The following LDLRAD4 variants were observed in gnomAD, a reference collection of about 807,000 sequenced individuals.
LDLRAD4 encodes the protein low-density lipoprotein receptor class A domain-containing protein 4.
A neutral mutation model predicts 17.0 loss-of-function variants in LDLRAD4; 5 were observed. The ratio of observed to expected loss-of-function variants is 0.29; its 90% confidence interval spans 0.15 to 0.62. The LOEUF is 0.62. Among genes scored for constraint, LDLRAD4 ranks in the 20% least tolerant of loss-of-function variants. The probability of loss-of-function intolerance (pLI) is 0.84; values close to 1 mark genes in which losing one functional copy is unlikely to be tolerated. For synonymous variants in LDLRAD4, 168 were observed against 171.8 expected, an observed-to-expected ratio of 0.98 and a Z score of 0.17; for missense variants, 340 against 424.7, an observed-to-expected ratio of 0.80 and a Z score of 1.75.
chr18:13,408,425 G>A (rs1000567115), intron 2 of LDLRAD4, among the ~76,000 whole-genome samples: 11 of 151,008 alleles, frequency 7.3e-5, no homozygotes, highest in Admixed American at 3.3e-4. Context: ...GGTGTGAGCC[G>A]TAGAAAACCA....
intron 2 of LDLRAD4, among the ~76,000 whole-genome samples, chr18:13,403,620 C>T (rs1361727656): frequency 1.3e-5 from 2 of 152,174 alleles, no homozygotes; most frequent in Non-Finnish European, 1.5e-5. Flanking sequence ...CTGAGACCCC[C>T]TTCTGATGGT....
At chr18:13,325,720 C>T (rs1194004322) in intron 1 of LDLRAD4, among the ~76,000 whole-genome samples, 1 of 152,172 alleles carries the variant, frequency 6.6e-6, no homozygotes, top group Admixed American at 6.5e-5. Flanking sequence ...CCAGTTTCCT[C>T]ATCTGTAATG....
At chr18:13,595,288 G>C (rs1188373842) in intron 3 of LDLRAD4, among the ~76,000 whole-genome samples, 1 of 151,946 alleles carries the variant, frequency 6.6e-6, no homozygotes, top group East Asian at 1.9e-4. Flanking sequence ...TTTTGGTCCA[G>C]TGTCTTATTA....
intron 3 of LDLRAD4, among the ~76,000 whole-genome samples, chr18:13,499,302 CCTT>C (rs1429039428): frequency 8.4e-5 from 12 of 142,140 alleles, no homozygotes; most frequent in African/African-American, 3.1e-4. Flanking sequence ...ACTGGAGAAT[CCTT>C]CTACTCACAC....
intron 3 of LDLRAD4, among the ~76,000 whole-genome samples, chr18:13,513,931 C>G (rs2093822287): frequency 6.6e-6 from 1 of 152,156 alleles, no homozygotes; most frequent in African/African-American, 2.4e-5. Context: ...GTAATATAGG[C>G]TTTTTCAGCT....
At chr18:13,256,866 C>T (rs2043534594) in intron 1 of LDLRAD4, among the ~76,000 whole-genome samples, 1 of 152,204 alleles carries the variant, frequency 6.6e-6, no homozygotes, top group Non-Finnish European at 1.5e-5. Flanking sequence ...GGAAGGAAAC[C>T]TGTGTTGTTG....
intron 3 of LDLRAD4, among the ~76,000 whole-genome samples, chr18:13,496,542 C>A (rs1175901266): frequency 6.6e-6 from 1 of 152,156 alleles, no homozygotes; most frequent in Non-Finnish European, 1.5e-5. Context: ...CGGAGGAGAT[C>A]GAAATTCAGC....
chr18:13,389,636 G>A (rs987755859), intron 2 of LDLRAD4, among the ~76,000 whole-genome samples: 1 of 152,186 alleles, frequency 6.6e-6, no homozygotes, highest in African/African-American at 2.4e-5. Context: ...TGACGGCAGG[G>A]TGGAGGCCAC....
chr18:13,238,349 G>A (rs1471409456), intron 1 of LDLRAD4, among the ~76,000 whole-genome samples: 1 of 152,204 alleles, frequency 6.6e-6, no homozygotes, highest in African/African-American at 2.4e-5. Context: ...GCCTCTTGTT[G>A]ATAGATTTTT....
chr18:13,332,824 A>G (rs529004962), intron 1 of LDLRAD4, among the ~76,000 whole-genome samples: 49 of 151,882 alleles, frequency 3.2e-4, no homozygotes, highest in African/African-American at 1.0e-3. Flanking sequence ...ACTGAAAGAC[A>G]TGGTAGTTAC....
intron 3 of LDLRAD4, among the ~76,000 whole-genome samples, chr18:13,596,471 G>A (rs189114967): frequency 3.4e-4 from 52 of 151,456 alleles, no homozygotes; most frequent in African/African-American, 1.3e-3. Context: ...TTTCTTAATG[G>A]TTGCTCTCAA....
intron 3 of LDLRAD4, among the ~76,000 whole-genome samples, chr18:13,501,800 G>A (rs1243028516): frequency 6.6e-6 from 1 of 152,136 alleles, no homozygotes; most frequent in Non-Finnish European, 1.5e-5. Flanking sequence ...TTGGTTTAAT[G>A]CATGATAAAA....
At chr18:13,391,471 C>T (rs1338664151) in intron 2 of LDLRAD4, among the ~76,000 whole-genome samples, 1 of 152,136 alleles carries the variant, frequency 6.6e-6, no homozygotes, top group Non-Finnish European at 1.5e-5. Flanking sequence ...TGTGGGTATA[C>T]TCACATAGAT....
intron 1 of LDLRAD4, among the ~76,000 whole-genome samples, chr18:13,326,542 T>G (rs895756735): frequency 2.6e-5 from 4 of 152,204 alleles, no homozygotes; most frequent in African/African-American, 9.7e-5. Context: ...TAGAATCAGA[T>G]TGTAGACGTG....
upstream of LDLRAD4, among the ~76,000 whole-genome samples, chr18:13,274,008 C>T (rs1054376667): frequency 2.6e-5 from 4 of 152,102 alleles, no homozygotes; most frequent in Non-Finnish European, 4.4e-5. Context: ...GTGGATGCCC[C>T]GATGCCTGGT....
chr18:13,382,040 G>A (rs1384910485), intron 1 of LDLRAD4, among the ~76,000 whole-genome samples: 1 of 152,214 alleles, frequency 6.6e-6, no homozygotes, highest in East Asian at 1.9e-4. Flanking sequence ...TGTGGGGCCT[G>A]GAGCAGTCGC....
chr18:13,474,833 G>A (rs1250475796), intron 3 of LDLRAD4, among the ~76,000 whole-genome samples: 1 of 152,258 alleles, frequency 6.6e-6, no homozygotes, highest in African/African-American at 2.4e-5. Flanking sequence ...GGCAGTTAGA[G>A]AGGACTCAGG....
At chr18:13,399,229 G>A (rs569955211) in intron 2 of LDLRAD4, among the ~76,000 whole-genome samples, 15 of 152,210 alleles carry the variant, frequency 9.9e-5, no homozygotes, top group African/African-American at 3.4e-4. Flanking sequence ...AAAAAAAGAC[G>A]CTGTATGTAT....
intron 3 of LDLRAD4, among the ~76,000 whole-genome samples, chr18:13,513,468 A>G (rs1445462632): frequency 6.6e-6 from 1 of 152,212 alleles, no homozygotes; most frequent in Non-Finnish European, 1.5e-5. Context: ...TTATTAAATT[A>G]CATGTGTTTT....
Sources: allele counts gnomAD v4.1 joint callset (sites outside exome capture counted in the v4.1 genomes callset), GRCh38; gene constraint gnomAD v4.1.1; transcripts MANE v1.5; gene names NCBI Gene and HGNC (gene_info 2026-07-23, HGNC 2026-07-21).